UGGT2: variants seen among roughly 807,000 people sequenced by gnomAD.
UGGT2 encodes UDP-glucose glycoprotein glucosyltransferase 2.
In UGGT2, 180 loss-of-function variants were observed where a neutral mutation model predicts 192.1. That is an observed-to-expected ratio of 0.94 (90% CI 0.83 to 1.06). The LOEUF is 1.06. Ranked by LOEUF, UGGT2 falls within the 50% of genes least tolerant of loss-of-function variation. The pLI is 0.00. For synonymous variants in UGGT2, 580 were observed against 591.0 expected, an observed-to-expected ratio of 0.98 and a Z score of 0.27; for missense variants, 1,849 against 1,795.7, an observed-to-expected ratio of 1.03 and a Z score of -0.54.
chr13:95,860,979 T>C, intron 31 of UGGT2, 96 bp from the exon 32 acceptor site: 1 of 569,326 alleles, frequency 1.8e-6, no homozygotes, highest in Non-Finnish European at 2.8e-6. Context: ...AGAAATGTAT[T>C]TCAAAATAGT....
chr13:95,955,248 G>A (rs1032464556), intron 12 of UGGT2, among the ~76,000 whole-genome samples: 4 of 152,106 alleles, frequency 2.6e-5, no homozygotes, highest in Admixed American at 6.6e-5. Context: ...GATCTCAGGC[G>A]GCCTAAAGTC....
Position 95,997,225 on chromosome 13 carries a change from G to C in UGGT2, c.758-1090C>G, listed in dbSNP as rs1002100028. ...CAGGATAGACACCAAGAACAACAGA[G>C]ACACAAAAAATACAGACCATGAACT... On this transcript the variant is annotated intron_variant, in intron 6 of 38. Coordinates refer to ENST00000376747, the MANE Select transcript of UGGT2 (RefSeq NM_020121.4). Among the ~76,000 whole-genome samples, 3 of 152,056 alleles carry C rather than the reference G, an allele frequency of 2.0e-5. 1 individual carries two copies. In the East Asian group the frequency reaches 5.8e-4, roughly 29 times the overall value.
At chr13:95,908,132 T>G (rs750562126) in intron 20 of UGGT2, among the ~76,000 whole-genome samples, 4 of 151,882 alleles carry the variant, frequency 2.6e-5, no homozygotes, top group Non-Finnish European at 5.9e-5. Flanking sequence ...TTCAATCAAG[T>G]GGAAGAAAGG....
At chr13:96,007,031 T>C (rs1284287494) in intron 5 of UGGT2, among the ~76,000 whole-genome samples, 2 of 152,022 alleles carry the variant, frequency 1.3e-5, no homozygotes, top group Non-Finnish European at 2.9e-5. Flanking sequence ...TAAACACAGA[T>C]GTAAAAATCC....
At chr13:95,956,084 A>G (rs2050204276) in intron 12 of UGGT2, among the ~76,000 whole-genome samples, 1 of 152,220 alleles carries the variant, frequency 6.6e-6, no homozygotes, top group African/African-American at 2.4e-5. Context: ...AGCAGGAAAT[A>G]AAATTTAACG....
At chr13:95,848,344 T>C (rs1160898260) in intron 36 of UGGT2, among the ~76,000 whole-genome samples, 1 of 152,220 alleles carries the variant, frequency 6.6e-6, no homozygotes, top group Non-Finnish European at 1.5e-5. Flanking sequence ...ATCATGACTT[T>C]GGTGTTATAT....
chr13:95,818,520 TTGTACAGC>T (rs1463072196), intron 38 of UGGT2, among the ~76,000 whole-genome samples: 1 of 151,710 alleles, frequency 6.6e-6, no homozygotes, highest in East Asian at 1.9e-4. Context: ...GAAAACAGAG[TTGTACAGC>T]AGAACTGGAT....
At position 95,801,609 on chromosome 13, in the gene UGGT2, T is replaced by C. The variant is rs1884061407; in HGVS notation, c.*181A>G. On this transcript the variant is annotated 3_prime_UTR_variant, in exon 39 of 39. Transcript: ENST00000376747. ...AAATACTCAATGGTCATTTATTATA[T>C]AACTTAAACTCATTCAATACATTAA... 7 of 537,906 alleles carry C rather than the reference T, an allele frequency of 1.3e-5. No homozygotes were observed. The highest frequency in any genetic ancestry group is 4.5e-4 in the Middle Eastern group (1 of 2,204). 33.3% of individuals were successfully genotyped at this position (537,906 alleles called of 1,614,324 possible). A position where few individuals can be genotyped will look rare whatever the true frequency, so the allele number is the denominator to read the frequency against.
chr13:96,004,614 C>A (rs966659060), intron 5 of UGGT2, among the ~76,000 whole-genome samples: 1 of 151,970 alleles, frequency 6.6e-6, no homozygotes, highest in Admixed American at 6.6e-5. Context: ...ATGTGCCATG[C>A]TGGTGCGCTG....
chr13:95,809,458 C>G, intron 38 of UGGT2: 1 of 373,896 alleles, frequency 2.7e-6, no homozygotes, highest in Non-Finnish European at 5.2e-6. Context: ...CTTTTGTTTG[C>G]ACGTTCTGTC....
intron 29 of UGGT2, among the ~76,000 whole-genome samples, chr13:95,874,975 A>G (rs1187715809): frequency 6.6e-6 from 1 of 152,134 alleles, no homozygotes; most frequent in Non-Finnish European, 1.5e-5. Flanking sequence ...ACATGTGTGA[A>G]CTACCATGCC....
At chr13:95,884,401 T>C in intron 27 of UGGT2, 90 bp downstream of exon 27, 1 of 1,023,204 alleles carries the variant, frequency 9.8e-7, no homozygotes, top group Admixed American at 2.9e-5. Context: ...TAAACATTCA[T>C]AGTATGATTG....
chr13:95,843,375 G>C (rs1344308794), intron 36 of UGGT2, among the ~76,000 whole-genome samples: 1 of 152,078 alleles, frequency 6.6e-6, no homozygotes, highest in Non-Finnish European at 1.5e-5. Context: ...ATGATGTTTA[G>C]CATCTTTTCA....
At chr13:95,951,508 C>A (rs955901999) in intron 12 of UGGT2, among the ~76,000 whole-genome samples, 5 of 152,162 alleles carry the variant, frequency 3.3e-5, no homozygotes, top group Admixed American at 3.3e-4. Context: ...ATCAGAACTC[C>A]CATTCCCAAT....
chr13:95,895,885 T>C (rs2047930844), intron 22 of UGGT2, among the ~76,000 whole-genome samples: 1 of 152,062 alleles, frequency 6.6e-6, no homozygotes, highest in Non-Finnish European at 1.5e-5. Context: ...ACTGTATAAA[T>C]GGTTAGGAGC....
chr13:95,971,666 T>C (rs2050778380), intron 11 of UGGT2, among the ~76,000 whole-genome samples: 3 of 152,210 alleles, frequency 2.0e-5, no homozygotes, highest in Admixed American at 2.0e-4. Context: ...TTTGTTCCCC[T>C]GAAATTTACA....
At chr13:95,907,229 C>A (rs541151534) in intron 20 of UGGT2, among the ~76,000 whole-genome samples, 4 of 152,320 alleles carry the variant, frequency 2.6e-5, no homozygotes, top group Non-Finnish European at 4.4e-5. Context: ...ATTGCTGAGG[C>A]TTGAGTACGT....
chr13:95,909,257 T>C (rs1212830794), intron 20 of UGGT2, among the ~76,000 whole-genome samples: 2 of 152,128 alleles, frequency 1.3e-5, no homozygotes, highest in Non-Finnish European at 2.9e-5. Flanking sequence ...ACTGGGTATA[T>C]ACCCAAAGGA....
At position 96,015,006 on chromosome 13, in the gene UGGT2, C is replaced by T. The variant is rs372097386; in HGVS notation, c.486-1525G>A. 6.7e-4 allele frequency among the ~76,000 whole-genome samples: 102 copies of T among 152,036 alleles called. 1 individual carries two copies. The highest frequency in any genetic ancestry group is 1.2e-3 in the African/African-American group (50 of 41,472). Reference sequence around the variant, plus strand: ...TGAAAACTAGAAAGGCGGCCAGGCGCGGTGGCTCAGGCCTGAAATCCCAGC... The same window carrying T: ...TGAAAACTAGAAAGGCGGCCAGGCGTGGTGGCTCAGGCCTGAAATCCCAGC... On this transcript the variant is annotated intron_variant, in intron 4 of 38. Coordinates refer to ENST00000376747, the MANE Select transcript of UGGT2 (RefSeq NM_020121.4).
Sources: allele counts gnomAD v4.1 joint callset (sites outside exome capture counted in the v4.1 genomes callset), GRCh38; gene constraint gnomAD v4.1.1; transcripts MANE v1.5; gene names NCBI Gene and HGNC (gene_info 2026-07-23, HGNC 2026-07-21).